MMP1: variants seen among roughly 807,000 people sequenced by gnomAD.
MMP1 encodes interstitial collagenase.
A neutral mutation model predicts 49.6 loss-of-function variants in MMP1; 51 were observed. That is an observed-to-expected ratio of 1.03 (90% confidence interval 0.82 to 1.30). MMP1 has a LOEUF of 1.30. Among genes scored for constraint, MMP1 ranks in the 50% most tolerant of loss-of-function variants. The pLI, the probability that MMP1 is intolerant of heterozygous loss-of-function variation, is 0.00. For synonymous variants in MMP1, 230 were observed against 196.8 expected, an observed-to-expected ratio of 1.17 and a Z score of -1.41; for missense variants, 623 against 568.7, an observed-to-expected ratio of 1.10 and a Z score of -0.97.
intron 4 of MMP1, 100 bp downstream of exon 4, chr11:102,796,564 A>G (rs1295327916): frequency 7.3e-7 from 1 of 1,373,266 alleles, no homozygotes; most frequent in Non-Finnish European, 9.7e-7. Flanking sequence ...ATAGAAAAAT[A>G]TATACTTCTA....
chr11:102,796,899 C>G, intron 3 of MMP1, 110 bp from the exon 4 acceptor site: 1 of 1,530,314 alleles, frequency 6.5e-7, no homozygotes, highest in Non-Finnish European at 8.8e-7. Flanking sequence ...AACTGTGATG[C>G]AGTTTCCCTC....
rs1179997925 is a variant in MMP1 at position 102,792,697 on chromosome 11, A to G, written c.941T>C (p.Leu314Pro). 3.1e-6 allele frequency: 5 copies of G among 1,613,828 alleles called. No individual in the cohort carries two copies. Among genetic ancestry groups the G allele is most frequent in the Non-Finnish European group, 4.2e-6 (5 of 1,179,762 alleles). ...RTNPFYPEVE[L>P]NFISVFWPQL... ...TGGCCAGAAAACAGAAATGAAATTG[A>G]GCTCAACTTCCGGGTAGAAGGGATT... The change falls in exon 7 of 10, where the codon CTC (leucine) becomes CCC (proline). Residue 314 changes from leucine to proline, a missense_variant. Coordinates refer to ENST00000315274, the MANE Select transcript of MMP1 (RefSeq NM_002421.4).
At position 102,790,512 on chromosome 11, in the gene MMP1, T is replaced by C. The variant is rs750068778; in HGVS notation, c.1310A>G (p.Tyr437Cys). 6.3e-6 allele frequency: 10 copies of C among 1,585,686 alleles called. No homozygotes were observed. Among genetic ancestry groups the C allele is most frequent in the Admixed American group, 3.5e-5 (2 of 57,346 alleles). The change falls in exon 10 of 10, where the codon TAT (tyrosine) becomes TGT (cysteine). Residue 437 changes from tyrosine to cysteine, a missense_variant. Physicochemically the swap from Tyr to Cys is radical, Grantham distance 194. Coordinates refer to ENST00000315274, the MANE Select transcript of MMP1 (RefSeq NM_002421.4). ...DAVFMKDGFF[Y>C]FFHGTRQYKF... ...GTATTGTCTTGTTCCATGAAAGAAA[T>C]AGAAAAATCCTAGAAACAAAACAAA... is the stretch of plus-strand genomic sequence containing the variant.
chr11:102,798,154 C>A lies in MMP1; in HGVS notation c.-62G>T. 1 of 1,364,292 alleles carries A rather than the reference C, an allele frequency of 7.3e-7. No individual in the cohort carries two copies. The highest frequency in any genetic ancestry group is 1.3e-5 in the South Asian group (1 of 78,402). 84.5% of individuals were successfully genotyped at this position (1,364,292 alleles called of 1,614,324 possible). On this transcript the variant is annotated 5_prime_UTR_variant, in exon 1 of 10. Transcript: ENST00000315274. ...GATGGCTTCCCAGCCTCTTGCTGCT[C>A]CAATATCCCAGCTAGGAAGCTCCCT...
chr11:102,795,334 A>G, intron 5 of MMP1, 43 bp from the exon 6 acceptor site: 1 of 1,606,566 alleles, frequency 6.2e-7, no homozygotes, highest in Non-Finnish European at 8.5e-7. Context: ...GCCTAGTATT[A>G]GAAAACTACA....
chr11:102,795,550 T>C lies in MMP1; in HGVS notation c.683A>G (p.His228Arg), dbSNP rs554674240. Reference protein sequence around the residue: ...HELGHSLGLSHSTDIGALMYP... With the variant: ...HELGHSLGLSRSTDIGALMYP... ...CATCAAAGCCCCGATATCAGTAGAA[T>C]GGGAGAGTCCAAGAGAATGGCCGAG... The change falls in exon 5 of 10, where the codon CAT becomes CGT. Residue 228 changes from histidine (H) to arginine (R), a missense_variant. Coordinates refer to ENST00000315274, the MANE Select transcript of MMP1 (RefSeq NM_002421.4). 3 of 1,613,972 alleles carry C rather than the reference T, an allele frequency of 1.9e-6. No individual in the cohort carries two copies. Among genetic ancestry groups the C allele is most frequent in the Non-Finnish European group, 2.5e-6 (3 of 1,179,980 alleles).
chr11:102,791,194 T>G lies in MMP1; in HGVS notation c.1196+139A>C, dbSNP rs1268321714. The G allele has an allele frequency of 4.9e-6, 4 of 818,242 alleles. No individual in the cohort carries two copies. In the African/African-American group the frequency reaches 6.9e-5, roughly 14 times the overall value. The allele number at this position is 818,242 out of a possible 1,614,324, so 50.7% of individuals were successfully genotyped here. On this transcript the variant is annotated intron_variant, in intron 8 of 9. Transcript: ENST00000315274. ...GATGATTATTGGTCAATAGACTAAATAGATGATAGATTGGCACCAGCCATC... is the reference window on the plus strand; with the variant it reads ...GATGATTATTGGTCAATAGACTAAAGAGATGATAGATTGGCACCAGCCATC...
At chr11:102,793,883 G>C (rs1445769330) in intron 6 of MMP1, among the ~76,000 whole-genome samples, 2 of 152,198 alleles carry the variant, frequency 1.3e-5, no homozygotes, top group African/African-American at 4.8e-5. Context: ...TACGGCCTTG[G>C]CTGTCGGAAA....
intron 6 of MMP1, 111 bp downstream of exon 6, chr11:102,795,063 T>G: frequency 2.2e-6 from 2 of 901,306 alleles, no homozygotes; most frequent in Non-Finnish European, 3.6e-6. Flanking sequence ...CATGTGATTA[T>G]AGATGTAAAT....
chr11:102,790,620 T>C, intron 9 of MMP1, 83 bp downstream of exon 9: 2 of 1,332,522 alleles, frequency 1.5e-6, no homozygotes, highest in Admixed American at 1.7e-5. Flanking sequence ...CACAGATATT[T>C]TTGGCATTTG....
At position 102,794,932 on chromosome 11, in the gene MMP1, A is replaced by T. The variant is rs1449542873; in HGVS notation, c.899+242T>A. On this transcript the variant is annotated intron_variant, in intron 6 of 9. Coordinates refer to ENST00000315274, the MANE Select transcript of MMP1 (RefSeq NM_002421.4). The surrounding 1 kb of genome is among the most constrained non-coding windows in gnomAD (Gnocchi z 4.3). ...ACTTACTTTGCTAATCTGTAAAAAA[A>T]GATCATACATACTGATTTTCAAAAT... 6.6e-6 allele frequency among the ~76,000 whole-genome samples: 1 copy of T among 152,246 alleles called. No homozygotes were observed. The highest frequency in any genetic ancestry group is 1.9e-4 in the East Asian group (1 of 5,202).
In MMP1 at chr11:102,798,045, C is replaced by A; in HGVS notation, c.48G>T (p.Val16=). The change falls in exon 1 of 10, where the codon GTG becomes GTT. Residue 16 remains valine, a synonymous_variant. Transcript: ENST00000315274. ...PLLLLLFWGV[V]SHSFPATLET... is the part of the protein sequence containing the mutation. ...CTAGAGTCGCTGGGAAGCTGTGAGA[C>A]ACCACACCCCAGAACAGCAGCAGCA... The A allele has an allele frequency of 6.2e-7, 1 of 1,613,442 alleles. No homozygotes were observed. The highest frequency in any genetic ancestry group is 8.5e-7 in the Non-Finnish European group (1 of 1,179,960).
chr11:102,796,400 A>G (rs1431582642), intron 4 of MMP1, among the ~76,000 whole-genome samples: 2 of 152,232 alleles, frequency 1.3e-5, no homozygotes, highest in African/African-American at 2.4e-5. Flanking sequence ...AAAAGTTTCA[A>G]TGTTGATGCC....
intron 8 of MMP1, 31 bp from the exon 9 acceptor site, chr11:102,790,837 C>CT (rs1565459350): frequency 7.9e-7 from 1 of 1,265,154 alleles, no homozygotes; most frequent in Non-Finnish European, 1.2e-6. Flanking sequence ...AGTGTCAGAC[C>CT]TTTTGCTAAA....
intron 5 of MMP1, 47 bp downstream of exon 5, chr11:102,795,405 A>C (rs772882739): frequency 4.4e-6 from 7 of 1,607,268 alleles, no homozygotes; most frequent in Admixed American, 1.7e-5. Context: ...TGAAATACAT[A>C]TAAAGACCAC....
Position 102,798,097 on chromosome 11 carries a change from G to T in MMP1, c.-5C>A. 1.2e-6 allele frequency: 2 copies of T among 1,604,730 alleles called. No individual in the cohort carries two copies. On this transcript the variant is annotated 5_prime_UTR_variant, in exon 1 of 10. Coordinates refer to ENST00000315274, the MANE Select transcript of MMP1 (RefSeq NM_002421.4). The stretch of plus-strand genomic sequence containing the variant: ...CAGTGGAGGAAAGCTGTGCATACTG[G>T]CCTTTGTCTTCTTTCTCAGTGCAAG...
chr11:102,791,255 T>G, intron 8 of MMP1, 78 bp downstream of exon 8: 1 of 1,512,318 alleles, frequency 6.6e-7, no homozygotes, highest in Non-Finnish European at 9.1e-7. Context: ...AGTTTGAGAC[T>G]CACTTTGAAA....
chr11:102,790,875 A>G, intron 8 of MMP1, 69 bp from the exon 9 acceptor site: 2 of 837,836 alleles, frequency 2.4e-6, no homozygotes, highest in Non-Finnish European at 4.0e-6. Flanking sequence ...TCATTACAGA[A>G]AATACACAAT....
intron 4 of MMP1, among the ~76,000 whole-genome samples, 171 bp downstream of exon 4, chr11:102,796,493 A>G (rs538772496): frequency 6.6e-6 from 1 of 152,368 alleles, no homozygotes; most frequent in East Asian, 1.9e-4. Flanking sequence ...AGATGTTGTT[A>G]GCTAGCAGAA....
Sources: gnomAD v4.1 joint callset for allele counts (sites outside exome capture counted in the v4.1 genomes callset) on GRCh38, gnomAD v4.1.1 for gene constraint, Gnocchi (gnomAD v3.1) non-coding constraint, MANE v1.5 for transcripts, NCBI Gene and HGNC (gene_info 2026-07-23, HGNC 2026-07-21) for gene names.